RNF135: variants seen among roughly 807,000 people sequenced by gnomAD.
RNF135 encodes the protein E3 ubiquitin-protein ligase RNF135.
RNF135 carries 46 observed loss-of-function variants against 41.9 expected under a neutral mutation model. That is an observed-to-expected ratio of 1.10 (90% confidence interval 0.87 to 1.40). The LOEUF (loss-of-function observed/expected upper bound fraction) is 1.40. RNF135 is among the 40% of genes most tolerant of loss of function. RNF135 has a pLI of 0.00. For synonymous variants in RNF135, 238 were observed against 223.8 expected, an observed-to-expected ratio of 1.06 and a Z score of -0.57; for missense variants, 539 against 549.8, an observed-to-expected ratio of 0.98 and a Z score of 0.20.
Position 30,971,459 on chromosome 17 carries a change from G to GC in RNF135, c.372+17dup. Reference sequence around the variant, plus strand: ...GAACTGCAGCGGGTAGGGAGGCCGGGCCCGCAGCTCCCCTGGCTCCCCCGG... The same window carrying GC: ...GAACTGCAGCGGGTAGGGAGGCCGGGCCCCGCAGCTCCCCTGGCTCCCCCGG... On this transcript the variant is annotated intron_variant, in intron 1 of 4. Coordinates refer to ENST00000328381, the MANE Select transcript of RNF135 (RefSeq NM_032322.4). 6.7e-7 allele frequency: 1 copy of GC among 1,490,230 alleles called. No individual in the cohort carries two copies. The highest frequency in any genetic ancestry group is 8.9e-7 in the Non-Finnish European group (1 of 1,129,300). The allele number at this position is 1,490,230 out of a possible 1,614,324, so 92.3% of individuals were successfully genotyped here. A position where few individuals can be genotyped will look rare whatever the true frequency, so the allele number is the denominator to read the frequency against.
Position 30,975,391 on chromosome 17 carries a change from A to C in RNF135, c.372+3946A>C, listed in dbSNP as rs1049612946. On this transcript the variant is annotated intron_variant, in intron 1 of 4. Coordinates refer to ENST00000328381, the MANE Select transcript of RNF135 (RefSeq NM_032322.4). ...GCACACATCTGGATTAGAAGATGCCAGGCTCAGAGGATCTTCCTAAAGGCA... is the reference window on the plus strand; with the variant it reads ...GCACACATCTGGATTAGAAGATGCCCGGCTCAGAGGATCTTCCTAAAGGCA... 2.2e-4 allele frequency: 167 copies of C among 761,458 alleles called. 1 individual carries two copies. Among genetic ancestry groups the C allele is most frequent in the Non-Finnish European group, 6.1e-5 (25 of 411,982 alleles). The allele number at this position is 761,458 out of a possible 1,614,324, so 47.2% of individuals were successfully genotyped here.
At chr17:30,996,088 CT>C (rs914464333) in intron 3 of RNF135, among the ~76,000 whole-genome samples, 10,776 of 112,846 alleles carry the variant, frequency 0.095, 1,265 homozygotes, top group African/African-American at 0.35. Flanking sequence ...GAATTCATTA[CT>C]TTTTTTTTTT....
chr17:30,980,847 C>T (rs1194894252), intron 1 of RNF135, among the ~76,000 whole-genome samples: 1 of 149,818 alleles, frequency 6.7e-6, no homozygotes, highest in Non-Finnish European at 1.5e-5. Context: ...GATGGGATGG[C>T]GGCCGGGCAG....
intron 1 of RNF135, among the ~76,000 whole-genome samples, chr17:30,982,665 C>G (rs1468351813): frequency 6.6e-6 from 1 of 152,024 alleles, no homozygotes; most frequent in Non-Finnish European, 1.5e-5. Context: ...ATCAATGGAG[C>G]CTTCTATTTG....
intron 3 of RNF135, among the ~76,000 whole-genome samples, chr17:30,993,310 C>T (rs542045378): frequency 6.6e-5 from 10 of 152,208 alleles, no homozygotes; most frequent in African/African-American, 1.9e-4. Flanking sequence ...ATCTGCCTGC[C>T]TTTGCCTGCC....
chr17:30,981,747 G>A (rs991622265), intron 1 of RNF135, among the ~76,000 whole-genome samples: 5 of 152,230 alleles, frequency 3.3e-5, no homozygotes, highest in African/African-American at 1.2e-4. Flanking sequence ...GATCTAAGCC[G>A]TATCTGCATT....
chr17:30,999,244 C>A lies in RNF135; in HGVS notation c.*53C>A. 1 of 1,566,234 alleles carries A rather than the reference C, an allele frequency of 6.4e-7. No homozygotes were observed. The stretch of plus-strand genomic sequence containing the variant: ...GTTTCCTGGTCTCTCTCCCTGTCAT[C>A]AATCAGGGTAGTAACTTGACTTAAG... On this transcript the variant is annotated 3_prime_UTR_variant, in exon 5 of 5. Coordinates refer to ENST00000328381, the MANE Select transcript of RNF135 (RefSeq NM_032322.4).
intron 3 of RNF135, among the ~76,000 whole-genome samples, chr17:30,988,806 G>C (rs570362964): frequency 2.5e-4 from 36 of 146,834 alleles, no homozygotes; most frequent in African/African-American, 8.5e-4. Context: ...TTTTGAGACA[G>C]AGTCTCACTC....
intron 3 of RNF135, among the ~76,000 whole-genome samples, chr17:30,990,182 A>T (rs1010892556): frequency 6.6e-6 from 1 of 152,080 alleles, no homozygotes; most frequent in Non-Finnish European, 1.5e-5. Context: ...CAAATTTAAG[A>T]TCAATTTTTA....
the RNF135 span, chr17:30,959,430 A>G: frequency 1.3e-5 from 2 of 152,172 alleles, no homozygotes; most frequent in Non-Finnish European, 2.9e-5. Context: ...AGTTTCTATT[A>G]CTTGAATCAG....
intron 4 of RNF135, 137 bp downstream of exon 4, chr17:30,997,468 G>C (rs753822627): frequency 2.4e-4 from 188 of 786,306 alleles, no homozygotes; most frequent in Non-Finnish European, 3.6e-4. Context: ...TCCCTCCACG[G>C]GGGGAGCTGA....
In RNF135 at chr17:30,985,584, A is replaced by G. The variant is rs547621695; in HGVS notation, c.516+824A>G. ...ATTTACTTATTCTTGAGCTCCTTTG[A>G]GACTTGCTCTAATCCAAGCCTCTGA... On this transcript the variant is annotated intron_variant, in intron 2 of 4. Coordinates refer to ENST00000328381, the MANE Select transcript of RNF135 (RefSeq NM_032322.4). Among the ~76,000 whole-genome samples, 34 of 152,212 alleles carry G rather than the reference A, an allele frequency of 2.2e-4. No individual in the cohort carries two copies. The South Asian group carries it at 6.6e-3, about 30-fold the overall frequency.
At chr17:30,980,002 C>T (rs1906931534) in intron 1 of RNF135, among the ~76,000 whole-genome samples, 1 of 122,184 alleles carries the variant, frequency 8.2e-6, no homozygotes, top group African/African-American at 3.4e-5. Context: ...CTCCCACCTC[C>T]CTCCCGGACG....
rs773656215 is a variant in RNF135, at chr17:30,998,759, C to T, written c.867C>T (p.Pro289=). Residue 289 remains proline (P), a synonymous_variant, in exon 5 of 5, where the codon CCC becomes CCT. Coordinates refer to ENST00000328381, the MANE Select transcript of RNF135 (RefSeq NM_032322.4). ...RTVTVSHRPQ[P]YRWSCERFST... ...TGACTGTGTCTCACCGCCCACAACC[C>T]TATCGCTGGAGCTGTGAGAGGTTTT... is the stretch of plus-strand genomic sequence containing the variant. 6.2e-7 allele frequency: 1 copy of T among 1,613,070 alleles called. No homozygotes were observed. The highest frequency in any genetic ancestry group is 8.5e-7 in the Non-Finnish European group (1 of 1,179,744).
intron 1 of RNF135, 30 bp from the exon 2 acceptor site, chr17:30,984,587 A>G: frequency 6.2e-7 from 1 of 1,613,954 alleles, no homozygotes; most frequent in Non-Finnish European, 8.5e-7. Flanking sequence ...GTTTTATAGA[A>G]CCCAGGACCT....
intron 3 of RNF135, among the ~76,000 whole-genome samples, chr17:30,995,926 TTG>T (rs56185624): frequency 2.9e-4 from 43 of 147,592 alleles, no homozygotes; most frequent in African/African-American, 3.5e-4. Flanking sequence ...CTGACTAGTT[TTG>T]TGTGTGTGTG....
intron 3 of RNF135, among the ~76,000 whole-genome samples, chr17:30,988,469 CCAGG>C: frequency 7.2e-6 from 1 of 139,474 alleles, no homozygotes; most frequent in Admixed American, 7.4e-5. Context: ...ACTCTGTCGC[CCAGG>C]CTGGAGTGCA....
chr17:30,988,213 G>A, intron 3 of RNF135, 107 bp downstream of exon 3: 1 of 1,072,900 alleles, frequency 9.3e-7, no homozygotes, highest in Non-Finnish European at 1.4e-6. Context: ...GAGTCCAGCT[G>A]TATTACCACT....
At chr17:30,973,401 T>G (rs1906162157) in intron 1 of RNF135, 2 of 152,200 alleles carry the variant, frequency 1.3e-5, no homozygotes, top group Non-Finnish European at 2.9e-5. Context: ...CTTGTGCTTC[T>G]GTTGTCATAT....
Sources: gnomAD v4.1 joint callset for allele counts (sites outside exome capture counted in the v4.1 genomes callset) on GRCh38, gnomAD v4.1.1 for gene constraint, MANE v1.5 for transcripts, NCBI Gene and HGNC (gene_info 2026-07-23, HGNC 2026-07-21) for gene names.